Variants in SRRM4 observed in about 807,000 individuals in gnomAD.
The protein encoded by SRRM4 is serine/arginine repetitive matrix protein 4.
A neutral mutation model predicts 68.9 loss-of-function variants in SRRM4; 33 were observed. That is an observed-to-expected ratio of 0.48 (90% CI 0.36 to 0.64). The LOEUF is 0.64. Among genes scored for constraint, SRRM4 ranks in the 30% least tolerant of loss-of-function variants. The pLI is 0.00. For missense variants in SRRM4, 817 were observed against 827.1 expected (o/e 0.99, Z 0.15); for synonymous variants, 318 against 318.8 (o/e 1.00, Z 0.03).
At chr12:119,007,182 A>G (rs1219047919) in intron 1 of SRRM4, among the ~76,000 whole-genome samples, 1 of 152,226 alleles carries the variant, frequency 6.6e-6, no homozygotes, top group African/African-American at 2.4e-5. Flanking sequence ...TCCATTGCAC[A>G]TGGAGTGCAA....
intron 8 of SRRM4, among the ~76,000 whole-genome samples, chr12:119,135,616 G>T (rs1761054987): frequency 2.0e-5 from 3 of 152,130 alleles, no homozygotes; most frequent in African/African-American, 7.2e-5. Context: ...CATGCACCAG[G>T]TGTTTACTGA....
chr12:119,004,644 G>A (rs1953404966), intron 1 of SRRM4, among the ~76,000 whole-genome samples: 1 of 151,916 alleles, frequency 6.6e-6, no homozygotes. Context: ...TTACAGGCAG[G>A]GAAATTGATC....
chr12:119,018,390 C>T (rs377046646), intron 1 of SRRM4, among the ~76,000 whole-genome samples: 14 of 152,290 alleles, frequency 9.2e-5, no homozygotes, highest in African/African-American at 1.4e-4. Flanking sequence ...AATTCAGCAT[C>T]GACTTCAGTT....
chr12:119,053,823 T>C (rs1011896387), intron 1 of SRRM4, among the ~76,000 whole-genome samples: 6 of 152,170 alleles, frequency 3.9e-5, no homozygotes, highest in Non-Finnish European at 7.4e-5. Context: ...ATGCAAAGTG[T>C]AATTATCACA....
chr12:119,093,322 T>A (rs914676543), intron 1 of SRRM4, among the ~76,000 whole-genome samples: 3 of 152,244 alleles, frequency 2.0e-5, no homozygotes, highest in African/African-American at 7.2e-5. Context: ...GAATGAAGAA[T>A]AAGTGAACGG....
At chr12:119,082,875 G>T (rs1363443850) in intron 1 of SRRM4, among the ~76,000 whole-genome samples, 1 of 152,214 alleles carries the variant, frequency 6.6e-6, no homozygotes, top group African/African-American at 2.4e-5. Context: ...ATGGAGAAGG[G>T]TTTGGACTTG....
intron 8 of SRRM4, among the ~76,000 whole-genome samples, chr12:119,141,662 T>G (rs1282606691): frequency 3.3e-5 from 5 of 152,148 alleles, no homozygotes; most frequent in Non-Finnish European, 5.9e-5. Flanking sequence ...AGAGCAAACT[T>G]GTTCATTAGG....
At chr12:119,014,396 C>G (rs757168460) in intron 1 of SRRM4, among the ~76,000 whole-genome samples, 10 of 152,116 alleles carry the variant, frequency 6.6e-5, no homozygotes, top group African/African-American at 1.4e-4. Flanking sequence ...CCCCACCCCC[C>G]ACCTCTCTAC....
chr12:119,006,701 A>G (rs946089026), intron 1 of SRRM4, among the ~76,000 whole-genome samples: 2 of 152,256 alleles, frequency 1.3e-5, no homozygotes, highest in Non-Finnish European at 2.9e-5. Flanking sequence ...TGGCCAGATC[A>G]TAGAGCTTCT....
intron 1 of SRRM4, among the ~76,000 whole-genome samples, chr12:119,067,490 T>C (rs753739568): frequency 4.3e-4 from 65 of 152,122 alleles, no homozygotes; most frequent in Admixed American, 4.1e-3. Context: ...GCAGATTACC[T>C]GAGGTCAGGA....
chr12:119,092,476 C>T (rs557161818), intron 1 of SRRM4, among the ~76,000 whole-genome samples: 2 of 152,224 alleles, frequency 1.3e-5, no homozygotes, highest in South Asian at 4.2e-4. Flanking sequence ...GTTGTTCCAG[C>T]TCAGTGATTG....
At chr12:119,038,605 G>A (rs1407166983) in intron 1 of SRRM4, among the ~76,000 whole-genome samples, 1 of 152,180 alleles carries the variant, frequency 6.6e-6, no homozygotes, top group African/African-American at 2.4e-5. Flanking sequence ...GCAGATAGTT[G>A]TTCTCAACTC....
At chr12:119,017,677 G>A (rs1332295649) in intron 1 of SRRM4, among the ~76,000 whole-genome samples, 1 of 152,156 alleles carries the variant, frequency 6.6e-6, no homozygotes, top group Non-Finnish European at 1.5e-5. Flanking sequence ...GTCCATTGCG[G>A]GGGCAGTCGA....
chr12:119,098,189 C>T (rs961337809), intron 1 of SRRM4, among the ~76,000 whole-genome samples: 3 of 152,224 alleles, frequency 2.0e-5, no homozygotes, highest in African/African-American at 7.2e-5. Flanking sequence ...CAGCCAGCAC[C>T]AGCTTGCCAG....
intron 1 of SRRM4, among the ~76,000 whole-genome samples, chr12:119,043,268 C>G (rs1342700388): frequency 1.3e-5 from 2 of 152,070 alleles, no homozygotes; most frequent in African/African-American, 4.8e-5. Context: ...GAGCCATTAT[C>G]CTCAGCAAAC....
intron 2 of SRRM4, among the ~76,000 whole-genome samples, chr12:119,110,334 C>T (rs1318496261): frequency 1.3e-5 from 2 of 152,158 alleles, no homozygotes; most frequent in Non-Finnish European, 2.9e-5. Flanking sequence ...GCTGGGAGAA[C>T]CACTACTATC....
rs140965051 is a variant in SRRM4, at chr12:118,992,489, G to A, written c.131+10476G>A. Among the ~76,000 whole-genome samples, 55 of 152,296 alleles carry A rather than the reference G, an allele frequency of 3.6e-4. 2 individuals carry two copies. The East Asian group carries it at 9.1e-3, about 25-fold the overall frequency. ...ATTTCAGAACTTCCAGCTGATAAAG[G>A]GCTTTTGTTTGGCCAGTGTTTTGCC... On this transcript the variant is annotated intron_variant, in intron 1 of 12. Coordinates refer to ENST00000267260, the MANE Select transcript of SRRM4 (RefSeq NM_194286.4).
chr12:119,131,169 T>G (rs1954295453), intron 8 of SRRM4, among the ~76,000 whole-genome samples: 2 of 152,196 alleles, frequency 1.3e-5, no homozygotes, highest in South Asian at 4.1e-4. Flanking sequence ...TGTTTGTTTT[T>G]GGGAGAGAAA....
At position 118,981,713 on chromosome 12, in the gene SRRM4, T is replaced by C; in HGVS notation, c.-170T>C. ...GGACGAGCCTCCTTTCTCTGCTGCC[T>C]GCCCGGGCTGGGGCGTCCCATCCCC... On this transcript the variant is annotated 5_prime_UTR_variant, in exon 1 of 13. Coordinates refer to ENST00000267260, the MANE Select transcript of SRRM4 (RefSeq NM_194286.4). The C allele has an allele frequency of 1.4e-6, 1 of 701,532 alleles. No individual in the cohort carries two copies. Among genetic ancestry groups the C allele is most frequent in the Non-Finnish European group, 2.3e-6 (1 of 434,836 alleles). The allele number at this position is 701,532 out of a possible 1,614,324, so 43.5% of individuals were successfully genotyped here. A position where few individuals can be genotyped will look rare whatever the true frequency, so the allele number is the denominator to read the frequency against.
Sources: allele counts gnomAD v4.1 joint callset (sites outside exome capture counted in the v4.1 genomes callset), GRCh38; gene constraint gnomAD v4.1.1; transcripts MANE v1.5; gene names NCBI Gene and HGNC (gene_info 2026-07-23, HGNC 2026-07-21).